JARID2: variants seen among roughly 807,000 people sequenced by gnomAD.
JARID2 encodes jumonji and AT-rich interaction domain containing 2.
JARID2 carries 21 observed loss-of-function variants against 125.6 expected under a neutral mutation model. That is an observed-to-expected ratio of 0.17 (90% CI 0.12 to 0.24). The LOEUF is 0.24. Among genes scored for constraint, JARID2 ranks in the 10% least tolerant of loss-of-function variants. The pLI is 1.00. For synonymous variants in JARID2, 736 were observed against 661.6 expected, an observed-to-expected ratio of 1.11 and a Z score of -1.73; for missense variants, 1,303 against 1,639.6, an observed-to-expected ratio of 0.79 and a Z score of 3.55.
intron 6 of JARID2, among the ~76,000 whole-genome samples, chr6:15,492,103 C>T (rs1166429654): frequency 3.3e-5 from 5 of 152,296 alleles, no homozygotes; most frequent in South Asian, 2.1e-4. Flanking sequence ...ACCTGAGATA[C>T]AGGTGACGGA....
chr6:15,491,950 CAAG>C (rs1229066989), intron 6 of JARID2, among the ~76,000 whole-genome samples: 2 of 152,224 alleles, frequency 1.3e-5, no homozygotes, highest in Non-Finnish European at 1.5e-5. Flanking sequence ...ATCCCTTCTG[CAAG>C]AAGAATGAGG....
rs1417412745 is a variant in JARID2, at chr6:15,259,255, A to C, written c.45+12671A>C. ...GAACCTAACACTTGGTTTTACCTAA[A>C]TTGCCTCCTTTTCCATTCTTACACT... is the stretch of plus-strand genomic sequence containing the variant. On this transcript the variant is annotated intron_variant, in intron 1 of 17. Transcript: ENST00000341776. Among the ~76,000 whole-genome samples, 3 of 152,222 alleles carry C rather than the reference A, an allele frequency of 2.0e-5. No homozygotes were observed. In the East Asian group the frequency reaches 5.8e-4, roughly 29 times the overall value.
chr6:15,377,601 G>C (rs369211599), intron 2 of JARID2, among the ~76,000 whole-genome samples: 1 of 152,052 alleles, frequency 6.6e-6, no homozygotes, highest in East Asian at 1.9e-4. Flanking sequence ...AAGTAGCTGC[G>C]ATTACAGGCA....
chr6:15,471,723 C>G (rs1204274797), intron 5 of JARID2, among the ~76,000 whole-genome samples: 1 of 152,106 alleles, frequency 6.6e-6, no homozygotes, highest in Admixed American at 6.5e-5. Flanking sequence ...TCATCATCTG[C>G]ATGGATCTTA....
chr6:15,496,567 C>T lies in JARID2; in HGVS notation c.1342C>T (p.His448Tyr). ...CTCCAAGAGGAGACTGGAAGAGGCA[C>T]ACCAGGCGGAGAAGCCGCAGTCGCC... ...RNSKRRLEEA[H>Y]QAEKPQSPPK... The change falls in exon 7 of 18, where the codon CAC becomes TAC. Residue 448 changes from histidine to tyrosine, a missense_variant. By Grantham distance (83) the His-to-Tyr change is moderately conservative. Transcript: ENST00000341776. 6.2e-7 allele frequency: 1 copy of T among 1,606,030 alleles called. No individual in the cohort carries two copies. The highest frequency in any genetic ancestry group is 8.5e-7 in the Non-Finnish European group (1 of 1,177,388).
intron 1 of JARID2, among the ~76,000 whole-genome samples, chr6:15,291,861 A>G (rs906116598): frequency 2.6e-5 from 4 of 151,830 alleles, no homozygotes; most frequent in African/African-American, 9.7e-5. Flanking sequence ...TGTATATACA[A>G]TTTTTGTTTT....
At chr6:15,386,825 GCA>G (rs1472839623) in intron 2 of JARID2, among the ~76,000 whole-genome samples, 2 of 152,220 alleles carry the variant, frequency 1.3e-5, no homozygotes, top group Non-Finnish European at 2.9e-5. Flanking sequence ...GCTTATGTAG[GCA>G]CAGTGTTGGA....
intron 1 of JARID2, chr6:15,248,960 A>T (rs1245383382): frequency 1.0e-6 from 1 of 985,404 alleles, no homozygotes; most frequent in African/African-American, 1.7e-5. Context: ...CGCGCTTCCC[A>T]CCAGGTGAGG....
In JARID2 at chr6:15,500,982, T is replaced by G; in HGVS notation, c.2021T>G (p.Leu674Arg). Residue 674 changes from leucine to arginine, a missense_variant, in exon 8 of 18, where the codon CTC (leucine) becomes CGC (arginine). This residue lies in a region of JARID2 where 64 missense variants were observed against 166.8 expected (regional missense o/e 0.38). Transcript: ENST00000341776. The part of the protein sequence containing the change: ...EMGGMQQVTD[L>R]KKWNKLADML... ...GGCGGCATGCAGCAAGTGACTGACC[T>G]CAAAAAATGGAACAAACTAGCAGAC... is the stretch of plus-strand genomic sequence containing the variant. 6.2e-7 allele frequency: 1 copy of G among 1,613,966 alleles called. No individual in the cohort carries two copies. Among genetic ancestry groups the G allele is most frequent in the Non-Finnish European group, 8.5e-7 (1 of 1,179,906 alleles).
chr6:15,250,704 G>A (rs1274874589), intron 1 of JARID2, among the ~76,000 whole-genome samples: 2 of 152,162 alleles, frequency 1.3e-5, no homozygotes, highest in Non-Finnish European at 2.9e-5. Context: ...GGCCCAAATA[G>A]ACAACTAGAA....
intron 4 of JARID2, among the ~76,000 whole-genome samples, chr6:15,452,937 A>C (rs965306255): frequency 6.6e-6 from 1 of 152,142 alleles, no homozygotes; most frequent in Non-Finnish European, 1.5e-5. Flanking sequence ...GCAGAAGGAG[A>C]GGGCCTTTGC....
chr6:15,302,774 G>T (rs1488839970), intron 1 of JARID2, among the ~76,000 whole-genome samples: 1 of 151,910 alleles, frequency 6.6e-6, no homozygotes, highest in African/African-American at 2.4e-5. Context: ...TTGCTATGTC[G>T]CCCAGGCTGG....
At chr6:15,476,573 G>T (rs1769351911) in intron 5 of JARID2, among the ~76,000 whole-genome samples, 1 of 152,190 alleles carries the variant, frequency 6.6e-6, no homozygotes, top group African/African-American at 2.4e-5. Context: ...ACATCCTAAT[G>T]GAAATGGATT....
intron 3 of JARID2, among the ~76,000 whole-genome samples, chr6:15,420,517 G>GTA (rs1384013958): frequency 2.0e-5 from 3 of 152,154 alleles, no homozygotes; most frequent in African/African-American, 7.2e-5. Flanking sequence ...AGATATTTGA[G>GTA]TATATGTGCT....
chr6:15,246,486 C>G lies in JARID2; in HGVS notation c.-54C>G, dbSNP rs1444223077. ...ATATTTTTTTGCAAATTTCTGACGG[C>G]TTTAAATTCATGAAGCAATTGTCCC... On this transcript the variant is annotated 5_prime_UTR_variant, in exon 1 of 18. Transcript: ENST00000341776. 1.2e-5 allele frequency: 19 copies of G among 1,534,116 alleles called. No homozygotes were observed. The highest frequency in any genetic ancestry group is 1.5e-5 in the Non-Finnish European group (17 of 1,111,126).
intron 1 of JARID2, among the ~76,000 whole-genome samples, chr6:15,360,215 CTG>C (rs566156358): frequency 1.3e-3 from 199 of 151,980 alleles, no homozygotes; most frequent in African/African-American, 4.5e-3. Flanking sequence ...CTGAGTCTCA[CTG>C]TGTAGCCCAG....
intron 1 of JARID2, among the ~76,000 whole-genome samples, chr6:15,312,525 C>T (rs1163319339): frequency 6.6e-6 from 1 of 152,178 alleles, no homozygotes; most frequent in African/African-American, 2.4e-5. Context: ...CTGTCCTGTG[C>T]CCCCATGCCA....
In JARID2 at chr6:15,246,200, T is replaced by C; in HGVS notation, c.-340T>C. The C allele has an allele frequency of 2.1e-6, 1 of 466,642 alleles. No individual in the cohort carries two copies. The allele number at this position is 466,642 out of a possible 1,614,324, so 28.9% of individuals were successfully genotyped here. A position where few individuals can be genotyped will look rare whatever the true frequency, so the allele number is the denominator to read the frequency against. ...ACTAAGGACCTTCACGTTTCGCTGATGTAGTTTTTGGAGGAAAAAGGGGGG... is the reference window on the plus strand; with the variant it reads ...ACTAAGGACCTTCACGTTTCGCTGACGTAGTTTTTGGAGGAAAAAGGGGGG... On this transcript the variant is annotated 5_prime_UTR_variant, in exon 1 of 18. The change abolishes an upstream ATG in the 5' untranslated region. Transcript: ENST00000341776.
chr6:15,400,166 G>A (rs986856781), intron 2 of JARID2, among the ~76,000 whole-genome samples: 2 of 152,138 alleles, frequency 1.3e-5, no homozygotes, highest in African/African-American at 4.8e-5. Flanking sequence ...ATCAATTTAT[G>A]TGCCTCGGGG....
Sources: gnomAD v4.1 joint callset for allele counts (sites outside exome capture counted in the v4.1 genomes callset) on GRCh38, gnomAD v4.1.1 for gene constraint, gnomAD v4.1.1 regional missense constraint, MANE v1.5 for transcripts, NCBI Gene and HGNC (gene_info 2026-07-23, HGNC 2026-07-21) for gene names.